FRG1: variants seen among roughly 807,000 people sequenced by gnomAD.
FRG1 encodes the protein FSHD region gene 1.
In FRG1, 19 loss-of-function variants were observed where a neutral mutation model predicts 37.0. The ratio of observed to expected loss-of-function variants is 0.51; its 90% CI spans 0.36 to 0.75. FRG1 has a LOEUF of 0.75. Among genes scored for constraint, FRG1 ranks in the 30% least tolerant of loss-of-function variants. The pLI is 0.00. For missense variants in FRG1, 243 were observed against 301.4 expected (o/e 0.81, Z 1.44); for synonymous variants, 73 against 96.5 (o/e 0.76, Z 1.43).
chr4:189,954,851 C>T (rs372926060), intron 4 of FRG1, among the ~76,000 whole-genome samples, 186 bp from the exon 5 acceptor site: 1 of 152,084 alleles, frequency 6.6e-6, no homozygotes, highest in African/African-American at 2.4e-5. Flanking sequence ...CCGTTGGCTT[C>T]CCAAAGCACA....
chr4:189,958,340 G>C (rs1393425904), intron 6 of FRG1, among the ~76,000 whole-genome samples: 1 of 152,072 alleles, frequency 6.6e-6, no homozygotes, highest in East Asian at 1.9e-4. Context: ...CCAGGTCGGG[G>C]TATATGCGTT....
chr4:189,940,880 C>A lies in FRG1; in HGVS notation c.-130C>A. On this transcript the variant is annotated 5_prime_UTR_variant, in exon 1 of 9. Transcript: ENST00000226798. Reference sequence around the variant, plus strand: ...TGGGTGAAGACGGAGGCGGGTTCTACAGAGACGTAGGCTGTCAGGGAGTGT... The same window carrying A: ...TGGGTGAAGACGGAGGCGGGTTCTAAAGAGACGTAGGCTGTCAGGGAGTGT... 1 of 655,812 alleles carries A rather than the reference C, an allele frequency of 1.5e-6. No individual in the cohort carries two copies. The highest frequency in any genetic ancestry group is 2.7e-6 in the Non-Finnish European group (1 of 372,714). The allele number at this position is 655,812 out of a possible 1,614,324, so 40.6% of individuals were successfully genotyped here.
chr4:189,955,610 G>C (rs1736950247), intron 5 of FRG1, among the ~76,000 whole-genome samples: 1 of 152,016 alleles, frequency 6.6e-6, no homozygotes, highest in Non-Finnish European at 1.5e-5. Context: ...CAGTTCATAA[G>C]CTTAAAATAG....
intron 2 of FRG1, among the ~76,000 whole-genome samples, chr4:189,951,391 TGAGGCAGAGAATTGTTTGAACCCGG>T (rs1466014169): frequency 6.6e-6 from 1 of 150,792 alleles, no homozygotes; most frequent in Non-Finnish European, 1.5e-5. Context: ...CTCGGGAAGC[TGAGGCAGAGAATTGTTTGAACCCGG>T]GAGGCAGAGG....
At chr4:189,957,734 A>G (rs902061458) in intron 6 of FRG1, among the ~76,000 whole-genome samples, 1 of 152,138 alleles carries the variant, frequency 6.6e-6, no homozygotes, top group African/African-American at 2.4e-5. Flanking sequence ...CATTATCTCC[A>G]TGGATTAGTA....
intron 2 of FRG1, 35 bp downstream of exon 2, chr4:189,943,307 G>C (rs1296615394): frequency 6.3e-7 from 1 of 1,582,718 alleles, no homozygotes; most frequent in African/African-American, 1.4e-5. Flanking sequence ...TCTGAAAAAA[G>C]TTAATGTTTC....
Position 189,961,937 on chromosome 4 carries a change from CTATT to C in FRG1, c.740+12_740+15del, listed in dbSNP as rs147029173. The C allele has an allele frequency of 1.6e-5, 24 of 1,466,212 alleles. No homozygotes were observed. Among genetic ancestry groups the C allele is most frequent in the Non-Finnish European group, 2.2e-5 (24 of 1,073,380 alleles). 90.8% of individuals were successfully genotyped at this position (1,466,212 alleles called of 1,614,324 possible). ...GCATGAGACGCTTCTGGACAGGTAG[CTATT>C]TATTTACTTATTTCCACTATTTTCA... On this transcript the variant is annotated splice_donor_region_variant and intron_variant, in intron 8 of 8. Coordinates refer to ENST00000226798, the MANE Select transcript of FRG1 (RefSeq NM_004477.3).
At chr4:189,946,313 AAAAAAAAAAAAAAGC>A (rs934205130) in intron 2 of FRG1, among the ~76,000 whole-genome samples, 18 of 144,484 alleles carry the variant, frequency 1.2e-4, no homozygotes, top group Non-Finnish European at 2.3e-4. Flanking sequence ...TGATAAGCCA[AAAAAAAAAAAAAAGC>A]AAAAAAATCT....
intron 6 of FRG1, among the ~76,000 whole-genome samples, chr4:189,957,725 A>G (rs1019209614): frequency 6.6e-6 from 1 of 152,150 alleles, no homozygotes; most frequent in African/African-American, 2.4e-5. Flanking sequence ...CTACCTTGCC[A>G]TTATCTCCAT....
At chr4:189,955,729 CAG>C (rs1399608155) in intron 5 of FRG1, among the ~76,000 whole-genome samples, 1 of 152,094 alleles carries the variant, frequency 6.6e-6, no homozygotes, top group Non-Finnish European at 1.5e-5. Context: ...TTTGTTGACA[CAG>C]AATACATAAT....
intron 6 of FRG1, among the ~76,000 whole-genome samples, chr4:189,958,917 C>A (rs1737105547): frequency 1.3e-5 from 2 of 152,218 alleles, no homozygotes; most frequent in African/African-American, 2.4e-5. Context: ...GCATCCTGAA[C>A]CTTGCTTTGT....
chr4:189,950,284 A>T (rs10434391), intron 2 of FRG1, among the ~76,000 whole-genome samples: 946 of 127,990 alleles, frequency 7.4e-3, no homozygotes, highest in Middle Eastern at 0.013. Flanking sequence ...CTTATAATGT[A>T]TGTAGTTTAC....
At position 189,960,565 on chromosome 4, in the gene FRG1, T is replaced by C. The variant is rs1579646500; in HGVS notation, c.538-183T>C. ...TGTGGAGGAAGCATGTGATAGCACTTACTCATATAGATTATATATATGAAG... is the reference window on the plus strand; with the variant it reads ...TGTGGAGGAAGCATGTGATAGCACTCACTCATATAGATTATATATATGAAG... On this transcript the variant is annotated intron_variant, in intron 6 of 8. Transcript: ENST00000226798. Among the ~76,000 whole-genome samples the C allele has an allele frequency of 2.6e-5, 4 of 152,362 alleles. 1 individual carries two copies. Among genetic ancestry groups the C allele is most frequent in the Admixed American group, 2.6e-4 (4 of 15,304 alleles).
At chr4:189,949,375 C>A (rs1348285633) in intron 2 of FRG1, among the ~76,000 whole-genome samples, 2 of 152,214 alleles carry the variant, frequency 1.3e-5, no homozygotes, top group Non-Finnish European at 2.9e-5. Flanking sequence ...ACATTTAATT[C>A]TTGATGATAC....
intron 2 of FRG1, among the ~76,000 whole-genome samples, chr4:189,947,137 C>T (rs1464671531): frequency 6.6e-6 from 1 of 152,218 alleles, no homozygotes; most frequent in Non-Finnish European, 1.5e-5. Flanking sequence ...CCGCGGTGCC[C>T]GGCCAGTTCA....
chr4:189,958,856 A>G (rs74610977), intron 6 of FRG1, among the ~76,000 whole-genome samples: 5 of 146,596 alleles, frequency 3.4e-5, no homozygotes, highest in African/African-American at 1.0e-4. Context: ...ATAACTCCCC[A>G]CTTCTTGACA....
intron 2 of FRG1, among the ~76,000 whole-genome samples, chr4:189,950,791 AT>A (rs901934541): frequency 6.6e-6 from 1 of 152,080 alleles, no homozygotes; most frequent in Non-Finnish European, 1.5e-5. Flanking sequence ...ATTTACACAC[AT>A]GCCCCCACAC....
intron 2 of FRG1, among the ~76,000 whole-genome samples, chr4:189,946,091 T>C (rs544966866): frequency 6.6e-6 from 1 of 152,322 alleles, no homozygotes; most frequent in South Asian, 2.1e-4. Context: ...TCATCTGTAT[T>C]GCAGTCTCTT....
chr4:189,945,139 T>C (rs912864240), intron 2 of FRG1, among the ~76,000 whole-genome samples: 38 of 152,246 alleles, frequency 2.5e-4, no homozygotes, highest in African/African-American at 8.4e-4. Flanking sequence ...TAAGTCTGTT[T>C]CACTTATTAC....
Sources: allele counts gnomAD v4.1 joint callset (sites outside exome capture counted in the v4.1 genomes callset), GRCh38; gene constraint gnomAD v4.1.1; transcripts MANE v1.5; gene names NCBI Gene and HGNC (gene_info 2026-07-23, HGNC 2026-07-21).